The following DNM3 variants were observed in gnomAD, a reference collection of about 807,000 sequenced individuals.
DNM3 encodes the protein dynamin 3.
In DNM3, 47 loss-of-function variants were observed where a neutral mutation model predicts 101.6. That is an observed-to-expected ratio of 0.46 (90% CI 0.37 to 0.59). DNM3 has a LOEUF of 0.59. Ranked by LOEUF, DNM3 falls within the 20% of genes least tolerant of loss-of-function variation. The pLI is 0.00. For synonymous variants in DNM3, 385 were observed against 387.9 expected (o/e 0.99, Z 0.09); for missense variants, 849 against 1,085.7 (o/e 0.78, Z 3.06).
chr1:172,214,694 A>G (rs2060633106), intron 14 of DNM3, among the ~76,000 whole-genome samples: 1 of 152,188 alleles, frequency 6.6e-6, no homozygotes, highest in Admixed American at 6.6e-5. Context: ...ACAAGCTAGG[A>G]TATAAATTTA....
At chr1:172,147,213 T>TA (rs2057944812) in intron 14 of DNM3, among the ~76,000 whole-genome samples, 2 of 152,122 alleles carry the variant, frequency 1.3e-5, no homozygotes, top group South Asian at 2.1e-4. Context: ...AGCTCACACT[T>TA]ACATAAAAAG....
At chr1:172,228,202 C>CT (rs952125696) in intron 14 of DNM3, among the ~76,000 whole-genome samples, 17 of 148,626 alleles carry the variant, frequency 1.1e-4, no homozygotes, top group South Asian at 2.2e-4. Context: ...TGCCAAATGT[C>CT]TTTTTTTTTT....
intron 14 of DNM3, among the ~76,000 whole-genome samples, chr1:172,219,525 C>T (rs17277379): frequency 8.5e-4 from 129 of 152,012 alleles, no homozygotes; most frequent in Non-Finnish European, 1.5e-3. Flanking sequence ...TACTATTTTC[C>T]AGCTAAGAGA....
intron 2 of DNM3, among the ~76,000 whole-genome samples, chr1:171,986,281 G>T (rs2045249425): frequency 6.6e-6 from 1 of 151,722 alleles, no homozygotes; most frequent in African/African-American, 2.4e-5. Context: ...TTAAGAGCAG[G>T]TTAGCATTTA....
chr1:172,236,392 G>A (rs988672826), intron 14 of DNM3, among the ~76,000 whole-genome samples: 1 of 152,166 alleles, frequency 6.6e-6, no homozygotes, highest in Non-Finnish European at 1.5e-5. Flanking sequence ...GAGAGAAGGG[G>A]TGGTATTTCT....
At chr1:172,156,603 T>C (rs1477342074) in intron 14 of DNM3, among the ~76,000 whole-genome samples, 1 of 150,850 alleles carries the variant, frequency 6.6e-6, no homozygotes, top group Non-Finnish European at 1.5e-5. Flanking sequence ...TTCATTTTTT[T>C]CTCCTCCTTT....
chr1:172,022,576 C>T (rs1365555590), intron 4 of DNM3, among the ~76,000 whole-genome samples: 1 of 151,924 alleles, frequency 6.6e-6, no homozygotes, highest in Non-Finnish European at 1.5e-5. Context: ...ATATATATAG[C>T]TTTCTTAAAA....
chr1:171,878,475 C>G (rs1451555287), intron 1 of DNM3, among the ~76,000 whole-genome samples: 1 of 151,772 alleles, frequency 6.6e-6, no homozygotes, highest in East Asian at 1.9e-4. Context: ...CTGAAACTTA[C>G]CTCTCTCAGA....
chr1:171,944,723 T>G (rs934360252), intron 2 of DNM3, among the ~76,000 whole-genome samples: 6 of 152,006 alleles, frequency 3.9e-5, no homozygotes, highest in African/African-American at 9.7e-5. Context: ...TTTCAGATGA[T>G]ATAGTACTCT....
intron 15 of DNM3, among the ~76,000 whole-genome samples, chr1:172,307,632 C>G (rs915624723): frequency 1.3e-5 from 2 of 152,146 alleles, no homozygotes; most frequent in African/African-American, 4.8e-5. Flanking sequence ...CCCAAATGTC[C>G]ATCAATGATA....
intron 1 of DNM3, among the ~76,000 whole-genome samples, chr1:171,921,311 G>A (rs1036328873): frequency 6.6e-6 from 1 of 152,114 alleles, no homozygotes; most frequent in Non-Finnish European, 1.5e-5. Flanking sequence ...TGTGCCTTTA[G>A]TAGTGGTATA....
intron 17 of DNM3, among the ~76,000 whole-genome samples, chr1:172,359,359 A>G (rs2067622079): frequency 6.6e-6 from 1 of 151,654 alleles, no homozygotes; most frequent in African/African-American, 2.4e-5. Flanking sequence ...CTTTTTTTTT[A>G]GATTCCTCAA....
chr1:172,289,610 C>A, intron 15 of DNM3: 1 of 967,572 alleles, frequency 1.0e-6, no homozygotes, highest in Non-Finnish European at 1.2e-6. Context: ...TTCTTTGCTT[C>A]GTTTTATAAT....
At chr1:171,847,517 C>T (rs2032305569) in intron 1 of DNM3, among the ~76,000 whole-genome samples, 1 of 143,258 alleles carries the variant, frequency 7.0e-6, no homozygotes, top group Non-Finnish European at 1.5e-5. Context: ...TTGGAGAGGG[C>T]CCTAGAGAAG....
Position 172,371,879 on chromosome 1 carries a change from T to TAC in DNM3, c.1894-7139_1894-7138insAC, listed in dbSNP as rs1390740076. ...ATTTATTTTTATTTTTATTTTTTAT[T>TAC]TTTTTTACTTTTTTATTTATTTATT... On this transcript the variant is annotated intron_variant, in intron 17 of 20. Coordinates refer to ENST00000627582, the MANE Select transcript of DNM3 (RefSeq NM_015569.5). Among the ~76,000 whole-genome samples, 405 of 148,360 alleles carry TAC rather than the reference T, an allele frequency of 2.7e-3. 1 individual carries two copies. The highest frequency in any genetic ancestry group is 9.6e-3 in the African/African-American group (387 of 40,388).
chr1:172,046,602 T>C (rs1458140072), intron 9 of DNM3, among the ~76,000 whole-genome samples: 1 of 151,402 alleles, frequency 6.6e-6, no homozygotes, highest in Non-Finnish European at 1.5e-5. Context: ...ATTTAGACAA[T>C]CTGCTCCACA....
chr1:171,884,526 AC>A (rs1483407135), intron 1 of DNM3, among the ~76,000 whole-genome samples: 1 of 152,140 alleles, frequency 6.6e-6, no homozygotes, highest in African/African-American at 2.4e-5. Context: ...GCAATAAGCC[AC>A]CCCAAAACTT....
At chr1:172,180,198 G>T (rs1407310040) in intron 14 of DNM3, among the ~76,000 whole-genome samples, 3 of 152,066 alleles carry the variant, frequency 2.0e-5, no homozygotes, top group Admixed American at 2.0e-4. Context: ...TTTATGTAAA[G>T]AATAAGATAC....
chr1:171,924,137 A>C (rs2040383572), intron 2 of DNM3, among the ~76,000 whole-genome samples: 2 of 152,144 alleles, frequency 1.3e-5, no homozygotes, highest in Admixed American at 1.3e-4. Flanking sequence ...GCTGCAGTAA[A>C]CATACAAGTA....
Sources: gnomAD v4.1 joint callset for allele counts (sites outside exome capture counted in the v4.1 genomes callset) on GRCh38, gnomAD v4.1.1 for gene constraint, MANE v1.5 for transcripts, NCBI Gene and HGNC (gene_info 2026-07-23, HGNC 2026-07-21) for gene names.